Variants in KLRG1 observed in about 807,000 individuals in gnomAD.
The protein encoded by KLRG1 is killer cell lectin-like receptor subfamily G member 1.
KLRG1 carries 16 observed loss-of-function variants against 21.8 expected under a neutral mutation model. That is an observed-to-expected ratio of 0.73 (90% CI 0.50 to 1.11). The LOEUF (loss-of-function observed/expected upper bound fraction) is 1.11. KLRG1 is among the 50% of genes most tolerant of loss of function. The probability of loss-of-function intolerance (pLI) is 0.00; values close to 1 mark genes in which losing one functional copy is unlikely to be tolerated. For synonymous variants in KLRG1, 69 were observed against 75.9 expected (o/e 0.91, Z 0.47); for missense variants, 173 against 218.3 (o/e 0.79, Z 1.31).
At chr12:8,983,755 T>A (rs2110192) in intron 1 of KLRG1, among the ~76,000 whole-genome samples, 57,316 of 151,976 alleles carry the variant, frequency 0.38, 11,480 homozygotes, top group South Asian at 0.44. Flanking sequence ...TTTGTTTCTG[T>A]TGAGAATTTA....
chr12:9,165,905 T>G, the KLRG1 span: 1 of 887,070 alleles, frequency 1.1e-6, no homozygotes, highest in Non-Finnish European at 1.7e-6. Context: ...GCCTATGCAA[T>G]TGCGCATTTT....
At chr12:9,105,355 C>A in the KLRG1 span, among the ~76,000 whole-genome samples, 6 of 152,194 alleles carry the variant, frequency 3.9e-5, no homozygotes, top group Admixed American at 3.9e-4. Flanking sequence ...TTACAAAGTA[C>A]ACTATCTTTC....
chr12:9,014,940 G>T (rs1041019604), downstream of KLRG1, among the ~76,000 whole-genome samples: 2 of 152,082 alleles, frequency 1.3e-5, no homozygotes, highest in African/African-American at 2.4e-5. Flanking sequence ...GTTGTCATCA[G>T]TTTAAAATAA....
At chr12:9,008,284 A>G (rs954372472) in intron 3 of KLRG1, among the ~76,000 whole-genome samples, 2 of 152,226 alleles carry the variant, frequency 1.3e-5, no homozygotes, top group African/African-American at 4.8e-5. Flanking sequence ...AATAATCTGA[A>G]TACCTATCAG....
chr12:9,181,046 G>A, the KLRG1 span: 1 of 1,614,194 alleles, frequency 6.2e-7, no homozygotes, highest in Non-Finnish European at 8.5e-7. Flanking sequence ...CAGCACGAAG[G>A]GCACAGAGGG....
chr12:9,052,937 A>G, the KLRG1 span: 1 of 411,162 alleles, frequency 2.4e-6, no homozygotes, highest in Non-Finnish European at 4.7e-6. Flanking sequence ...GTGCTTCTAC[A>G]TTTTTTTAAT....
chr12:9,099,427 A>T, the KLRG1 span: 2 of 1,587,390 alleles, frequency 1.3e-6, 1 homozygote. Context: ...AGAATCCCCA[A>T]TCACGTCCCC....
chr12:9,212,269 G>C, the KLRG1 span, among the ~76,000 whole-genome samples: 1 of 152,198 alleles, frequency 6.6e-6, no homozygotes, highest in East Asian at 1.9e-4. Context: ...AGAGGGCCTG[G>C]AGCCAGTATA....
the KLRG1 span, among the ~76,000 whole-genome samples, chr12:9,104,808 T>A: frequency 6.6e-6 from 1 of 152,186 alleles, no homozygotes; most frequent in Non-Finnish European, 1.5e-5. Context: ...AATCTATTAA[T>A]CTATTAACTA....
chr12:8,995,091 A>C (rs1367579420), intron 2 of KLRG1, 28 bp from the exon 3 acceptor site: 3 of 1,555,186 alleles, frequency 1.9e-6, no homozygotes, highest in Non-Finnish European at 2.6e-6. Context: ...GTCCATAAAG[A>C]TGTGAACCAG....
At chr12:9,006,460 G>A (rs1427061326) in intron 3 of KLRG1, among the ~76,000 whole-genome samples, 2 of 152,156 alleles carry the variant, frequency 1.3e-5, no homozygotes, top group African/African-American at 4.8e-5. Context: ...AAGAAAGAAG[G>A]CTCATGTGGC....
the KLRG1 span, chr12:9,163,805 T>C: frequency 7.5e-6 from 12 of 1,609,098 alleles, no homozygotes; most frequent in Admixed American, 1.2e-4. Flanking sequence ...ACAAGGAATA[T>C]TGAAAACATG....
At chr12:9,113,214 T>C in the KLRG1 span, 1 of 748,642 alleles carries the variant, frequency 1.3e-6, no homozygotes, top group South Asian at 2.5e-5. Context: ...CATGCATTGC[T>C]CCTTAATTTC....
At chr12:9,073,804 G>A in the KLRG1 span, among the ~76,000 whole-genome samples, 1 of 152,052 alleles carries the variant, frequency 6.6e-6, no homozygotes, top group Non-Finnish European at 1.5e-5. Context: ...AGGTGAATAG[G>A]GGGCTGGACG....
the KLRG1 span, among the ~76,000 whole-genome samples, chr12:9,049,742 A>G: frequency 6.6e-6 from 1 of 152,098 alleles, no homozygotes; most frequent in Non-Finnish European, 1.5e-5. Flanking sequence ...GCTATCTTTT[A>G]TTACTGTATA....
the KLRG1 span, among the ~76,000 whole-genome samples, chr12:9,085,504 G>T: frequency 6.6e-6 from 1 of 151,958 alleles, no homozygotes; most frequent in African/African-American, 2.4e-5. Flanking sequence ...ATAGCATAAA[G>T]TAAAAGCAAT....
chr12:9,091,040 G>A, the KLRG1 span, among the ~76,000 whole-genome samples: 1 of 151,842 alleles, frequency 6.6e-6, no homozygotes. Flanking sequence ...CTTGCTTTAT[G>A]GTGCAATTTG....
chr12:9,024,018 AT>A, the KLRG1 span, among the ~76,000 whole-genome samples: 124 of 70,938 alleles, frequency 1.7e-3, no homozygotes, highest in Admixed American at 2.4e-3. Context: ...GAACACATGG[AT>A]TTTTTTTTTT....
At chr12:9,011,468 G>GGGACATTCAGTGTTTGGAATA (rs760073248), downstream of KLRG1, among the ~76,000 whole-genome samples, 1,136 of 152,160 alleles carry the variant, frequency 7.5e-3, 38 homozygotes, top group Admixed American at 0.057. Context: ...AAACATATCT[G>GGGACATTCAGTGTTTGGAATA]GGACATTCAG....
Sources: allele counts gnomAD v4.1 joint callset (sites outside exome capture counted in the v4.1 genomes callset), GRCh38; gene constraint gnomAD v4.1.1; transcripts MANE v1.5; gene names NCBI Gene and HGNC (gene_info 2026-07-23, HGNC 2026-07-21).